PCYT1A: variants seen among roughly 807,000 people sequenced by gnomAD.
PCYT1A encodes the protein phosphate cytidylyltransferase 1A, choline.
In PCYT1A, 25 loss-of-function variants were observed where a neutral mutation model predicts 43.7. The observed-to-expected ratio is 0.57, with a 90% CI of 0.42 to 0.80. The LOEUF is 0.80. Among genes scored for constraint, PCYT1A ranks in the 30% least tolerant of loss-of-function variants. The pLI, the probability that PCYT1A is intolerant of heterozygous loss-of-function variation, is 0.00. For missense variants in PCYT1A, 421 were observed against 474.2 expected (o/e 0.89, Z 1.04); for synonymous variants, 172 against 170.7 (o/e 1.01, Z -0.06).
intron 3 of PCYT1A, chr3:196,250,659 T>G (rs1160186016): frequency 3.1e-5 from 5 of 162,048 alleles, no homozygotes; most frequent in African/African-American, 1.3e-4. Context: ...TACACTATGT[T>G]GAGGTTGAGG....
At chr3:196,251,250 G>C (rs1724772085) in intron 3 of PCYT1A, 1 of 178,202 alleles carries the variant, frequency 5.6e-6, no homozygotes, top group Non-Finnish European at 1.2e-5. Flanking sequence ...CTGAGGACCA[G>C]ATACACCATG....
intron 3 of PCYT1A, among the ~76,000 whole-genome samples, chr3:196,253,340 A>AAAAAAAAAAAAG (rs1186070485): frequency 6.6e-6 from 1 of 151,740 alleles, no homozygotes; most frequent in South Asian, 2.1e-4. Flanking sequence ...CTGTCTCAAA[A>AAAAAAAAAAAAG]AAAAAAAAAA....
chr3:196,239,900 T>C (rs1477020625), intron 7 of PCYT1A, 165 bp from the exon 8 acceptor site: 3 of 593,880 alleles, frequency 5.1e-6, no homozygotes, highest in Non-Finnish European at 9.0e-6. Flanking sequence ...AGATAAGATA[T>C]GCTGTGGATG....
rs1333996203 is a variant in PCYT1A, at chr3:196,237,863, G to A, written c.*825C>T. 1 of 152,174 alleles carries A rather than the reference G, an allele frequency of 6.6e-6. No individual in the cohort carries two copies. The highest frequency in any genetic ancestry group is 1.9e-4 in the East Asian group (1 of 5,200). 9.4% of individuals were successfully genotyped at this position (152,174 alleles called of 1,614,324 possible). On this transcript the variant is annotated 3_prime_UTR_variant, in exon 9 of 9. Coordinates refer to ENST00000431016, the MANE Select transcript of PCYT1A (RefSeq NM_001312673.2). ...TTGTCCCGCTCCTCTCCTCATCATT[G>A]TAACTCTAAAAGTGTTCCTTCCTTC...
intron 2 of PCYT1A, among the ~76,000 whole-genome samples, chr3:196,267,924 T>C (rs978823472): frequency 6.6e-6 from 1 of 152,170 alleles, no homozygotes; most frequent in African/African-American, 2.4e-5. Flanking sequence ...TACAGTGAGA[T>C]GGCAGAAAGT....
At chr3:196,241,554 G>A (rs1724356485) in intron 7 of PCYT1A, 1 of 1,296,002 alleles carries the variant, frequency 7.7e-7, no homozygotes, top group Non-Finnish European at 1.0e-6. Flanking sequence ...TTAAAACTCA[G>A]GTCTGTGTGG....
chr3:196,280,817 A>G (rs1456992027), intron 1 of PCYT1A, among the ~76,000 whole-genome samples: 1 of 152,058 alleles, frequency 6.6e-6, no homozygotes, highest in East Asian at 1.9e-4. Context: ...CACTCTCAAA[A>G]TATCTTACTA....
intron 5 of PCYT1A, among the ~76,000 whole-genome samples, chr3:196,243,548 T>A (rs895557882): frequency 6.8e-6 from 1 of 147,406 alleles, no homozygotes; most frequent in Non-Finnish European, 1.5e-5. Context: ...ACGGTCTCCC[T>A]CTCCCTCTCT....
chr3:196,238,312 C>T lies in PCYT1A; in HGVS notation c.*376G>A, dbSNP rs1429796885. The stretch of plus-strand genomic sequence containing the variant: ...AAAAGGCCTCTGCGTATTACACTAC[C>T]TCCTTCTTCTGCCCACTCCTCAGGG... On this transcript the variant is annotated 3_prime_UTR_variant, in exon 9 of 9. Coordinates refer to ENST00000431016, the MANE Select transcript of PCYT1A (RefSeq NM_001312673.2). 1 of 162,508 alleles carries T rather than the reference C, an allele frequency of 6.2e-6. No individual in the cohort carries two copies. The highest frequency in any genetic ancestry group is 6.4e-5 in the Admixed American group (1 of 15,560). 10.1% of individuals were successfully genotyped at this position (162,508 alleles called of 1,614,324 possible).
intron 7 of PCYT1A, 24 bp from the exon 8 acceptor site, chr3:196,239,759 G>A: frequency 6.8e-7 from 1 of 1,481,256 alleles, no homozygotes. Context: ...TAACTCTTCT[G>A]AGAAATAATG....
intron 1 of PCYT1A, 147 bp from the exon 2 acceptor site, chr3:196,270,688 C>A: frequency 1.3e-5 from 9 of 690,552 alleles, no homozygotes; most frequent in East Asian, 2.5e-5. Context: ...TGGCATCTGG[C>A]AAAACCAGCG....
In PCYT1A at chr3:196,247,354, TC is replaced by T. The variant is rs1488211239; in HGVS notation, c.486+12del. ...CTGAAACAAGGAATGGGAATATGTG[TC>T]CAGTTTCTTACCCGGTGTTCGGCCA... On this transcript the variant is annotated intron_variant, in intron 5 of 8. Transcript: ENST00000431016. The surrounding 1 kb of genome is among the most constrained non-coding windows in gnomAD (Gnocchi z 4.8). 2 of 1,613,226 alleles carry T rather than the reference TC, an allele frequency of 1.2e-6. No homozygotes were observed. Among genetic ancestry groups the T allele is most frequent in the African/African-American group, 1.3e-5 (1 of 74,894 alleles).
At chr3:196,243,910 T>C (rs1373355543) in intron 5 of PCYT1A, among the ~76,000 whole-genome samples, 1 of 152,244 alleles carries the variant, frequency 6.6e-6, no homozygotes, top group East Asian at 1.9e-4. Flanking sequence ...GCCGCCTGCC[T>C]TGGCCTCCCA....
intron 5 of PCYT1A, among the ~76,000 whole-genome samples, chr3:196,246,958 G>A (rs1351735477): frequency 6.7e-6 from 1 of 150,180 alleles, no homozygotes; most frequent in Non-Finnish European, 1.5e-5. Flanking sequence ...TCAGTTCCCA[G>A]CCCTGCCAGT....
chr3:196,253,543 A>G (rs1724866032), intron 3 of PCYT1A, among the ~76,000 whole-genome samples: 1 of 152,218 alleles, frequency 6.6e-6, no homozygotes, highest in Non-Finnish European at 1.5e-5. Context: ...CAAGAAACAC[A>G]TTGCCTGGAT....
chr3:196,247,412 C>T lies in PCYT1A; in HGVS notation c.441G>A (p.Arg147=), dbSNP rs533990347. ...CGGGTGTCAGCGTCCAGGGCGCATT[C>T]CTCACCACCTCATCCACGTAGCGGC... ...QHCRYVDEVV[R]NAPWTLTPEF... Residue 147 remains arginine, a synonymous_variant, in exon 5 of 9, where the codon AGG becomes AGA. Transcript: ENST00000431016. The surrounding 1 kb of genome is among the most constrained non-coding windows in gnomAD (Gnocchi z 4.8). The T allele has an allele frequency of 1.8e-4, 286 of 1,614,210 alleles. 1 individual carries two copies. In the Middle Eastern group the frequency reaches 2.6e-3, roughly 15 times the overall value.
intron 5 of PCYT1A, among the ~76,000 whole-genome samples, chr3:196,245,883 G>A (rs1312695820): frequency 2.6e-5 from 4 of 151,846 alleles, no homozygotes; most frequent in East Asian, 3.9e-4. Context: ...CCCGGGAGGC[G>A]GAGGTTGCGG....
At chr3:196,262,110 T>C (rs1011311406) in intron 2 of PCYT1A, among the ~76,000 whole-genome samples, 1 of 152,186 alleles carries the variant, frequency 6.6e-6, no homozygotes, top group Admixed American at 6.5e-5. Context: ...ATTTCTGTGT[T>C]CTCCTAAAAC....
At chr3:196,248,813 G>A (rs1724656138) in intron 3 of PCYT1A, among the ~76,000 whole-genome samples, 1 of 151,578 alleles carries the variant, frequency 6.6e-6, no homozygotes, top group African/African-American at 2.4e-5. Flanking sequence ...CTGGAGTGCA[G>A]TGGCACGATC....
Sources: gnomAD v4.1 joint callset for allele counts (sites outside exome capture counted in the v4.1 genomes callset) on GRCh38, gnomAD v4.1.1 for gene constraint, Gnocchi (gnomAD v3.1) non-coding constraint, MANE v1.5 for transcripts, NCBI Gene and HGNC (gene_info 2026-07-23, HGNC 2026-07-21) for gene names.